ERC2: variants seen among roughly 807,000 people sequenced by gnomAD.
ERC2 encodes the protein ERC protein 2.
In ERC2, 42 loss-of-function variants were observed where a neutral mutation model predicts 114.8. The observed-to-expected ratio is 0.37, with a 90% CI of 0.29 to 0.47. ERC2 has a LOEUF of 0.47. Among genes scored for constraint, ERC2 ranks in the 20% least tolerant of loss-of-function variants. The probability of loss-of-function intolerance (pLI) is 0.99; values close to 1 mark genes in which losing one functional copy is unlikely to be tolerated. For missense variants in ERC2, 939 were observed against 1,150.7 expected (o/e 0.82, Z 2.66); for synonymous variants, 454 against 425.5 (o/e 1.07, Z -0.82).
At chr3:56,458,021 T>C (rs2063142130) in intron 1 of ERC2, among the ~76,000 whole-genome samples, 1 of 152,196 alleles carries the variant, frequency 6.6e-6, no homozygotes, top group South Asian at 2.1e-4. Context: ...ACCTGCTCTA[T>C]TATGGTCCTC....
At chr3:56,071,606 CT>C (rs1456482278) in intron 7 of ERC2, among the ~76,000 whole-genome samples, 1 of 152,150 alleles carries the variant, frequency 6.6e-6, no homozygotes, top group Non-Finnish European at 1.5e-5. Flanking sequence ...CCTGTAGATG[CT>C]GAATGAATGG....
intron 2 of ERC2, among the ~76,000 whole-genome samples, chr3:56,375,540 C>G (rs528041236): frequency 6.6e-6 from 1 of 152,308 alleles, no homozygotes; most frequent in African/African-American, 2.4e-5. Flanking sequence ...ACAAGACAGG[C>G]ATGGTTCCTG....
intron 2 of ERC2, among the ~76,000 whole-genome samples, chr3:56,400,443 A>G (rs2060480000): frequency 6.6e-6 from 1 of 152,232 alleles, no homozygotes; most frequent in Non-Finnish European, 1.5e-5. Flanking sequence ...AGTTATAAAT[A>G]TCTGAAATAT....
At chr3:56,093,949 A>G (rs1313353011) in intron 6 of ERC2, among the ~76,000 whole-genome samples, 2 of 152,162 alleles carry the variant, frequency 1.3e-5, no homozygotes, top group African/African-American at 4.8e-5. Flanking sequence ...GCCATGATGG[A>G]GCAGACTTGG....
chr3:56,049,169 C>A (rs926842370), intron 7 of ERC2, among the ~76,000 whole-genome samples: 3 of 152,238 alleles, frequency 2.0e-5, no homozygotes, highest in Middle Eastern at 3.4e-3. Flanking sequence ...GCATTTTGAG[C>A]ATAGAGATAG....
At chr3:55,952,042 T>TGTA (rs2067557908) in intron 12 of ERC2, among the ~76,000 whole-genome samples, 1 of 150,950 alleles carries the variant, frequency 6.6e-6, no homozygotes, top group Non-Finnish European at 1.5e-5. Context: ...GGCTCATGCC[T>TGTA]GTAGTCCCAG....
chr3:55,558,426 C>T (rs56115292), intron 17 of ERC2, among the ~76,000 whole-genome samples: 47,508 of 152,050 alleles, frequency 0.31, 7,670 homozygotes, highest in Middle Eastern at 0.4. Context: ...AGGAGCAAGA[C>T]CTCAAAAGTT....
intron 2 of ERC2, among the ~76,000 whole-genome samples, chr3:56,311,820 TGTGTG>T (rs2056599995): frequency 4.3e-4 from 1 of 2,300 alleles, no homozygotes; most frequent in Non-Finnish European, 2.3e-3. Flanking sequence ...TACATATAAA[TGTGTG>T]TGTGTGTGTG....
intron 14 of ERC2, among the ~76,000 whole-genome samples, chr3:55,777,664 A>T (rs959141882): frequency 1.3e-5 from 2 of 152,212 alleles, no homozygotes; most frequent in African/African-American, 4.8e-5. Flanking sequence ...TACTGGCATG[A>T]ATTTTTATAC....
chr3:56,462,143 T>C (rs886244441), intron 1 of ERC2, among the ~76,000 whole-genome samples: 4 of 152,204 alleles, frequency 2.6e-5, no homozygotes, highest in African/African-American at 9.6e-5. Context: ...ATAAATGGTA[T>C]TGACAATGAG....
intron 14 of ERC2, among the ~76,000 whole-genome samples, chr3:55,815,785 T>G (rs1262817156): frequency 6.6e-6 from 1 of 152,134 alleles, no homozygotes; most frequent in African/African-American, 2.4e-5. Flanking sequence ...AGACTTCAAT[T>G]GGAAAGTTGA....
intron 1 of ERC2, among the ~76,000 whole-genome samples, chr3:56,444,989 T>C (rs2062494762): frequency 6.6e-6 from 1 of 152,254 alleles, no homozygotes; most frequent in African/African-American, 2.4e-5. Flanking sequence ...TACCTGCAGA[T>C]GTGCTGTGTA....
intron 3 of ERC2, among the ~76,000 whole-genome samples, chr3:56,235,775 T>A (rs1240801368): frequency 1.3e-5 from 2 of 152,236 alleles, no homozygotes; most frequent in Non-Finnish European, 2.9e-5. Flanking sequence ...GGTCCTTATT[T>A]GCACCAGCCA....
chr3:56,035,113 T>C (rs1296206344), intron 7 of ERC2, among the ~76,000 whole-genome samples: 1 of 151,776 alleles, frequency 6.6e-6, no homozygotes, highest in Non-Finnish European at 1.5e-5. Context: ...CTCAAATAAA[T>C]AAAATTATAA....
At chr3:56,216,109 C>T (rs1345710548) in intron 3 of ERC2, among the ~76,000 whole-genome samples, 1 of 152,136 alleles carries the variant, frequency 6.6e-6, no homozygotes. Context: ...CAATCACATT[C>T]AAAAGCTAGC....
In ERC2 at chr3:55,821,309, C is replaced by T. The variant is rs151169999; in HGVS notation, c.2564+67080G>A. Reference sequence around the variant, plus strand: ...CAAAATGACCCCATCTCTGGCTCGCCGGCCACTGTGGTCTGTAGAGGGGCT... The same window carrying T: ...CAAAATGACCCCATCTCTGGCTCGCTGGCCACTGTGGTCTGTAGAGGGGCT... On this transcript the variant is annotated intron_variant, in intron 14 of 17. Transcript: ENST00000288221. Among the ~76,000 whole-genome samples the T allele has an allele frequency of 1.7e-3, 257 of 152,214 alleles. No individual in the cohort carries two copies. The South Asian group carries it at 0.017, about 10-fold the overall frequency.
chr3:55,712,384 G>T (rs762134934), intron 15 of ERC2, among the ~76,000 whole-genome samples: 3 of 152,176 alleles, frequency 2.0e-5, no homozygotes, highest in South Asian at 4.1e-4. Flanking sequence ...AAGAGAAAAG[G>T]GGGGAAAGTG....
intron 14 of ERC2, among the ~76,000 whole-genome samples, chr3:55,789,021 G>T (rs535772435): frequency 9.9e-5 from 15 of 152,226 alleles, no homozygotes; most frequent in Admixed American, 6.5e-5. Flanking sequence ...CAGACTTTAT[G>T]GGATCAAATG....
At chr3:56,339,379 C>T (rs901373565) in intron 2 of ERC2, among the ~76,000 whole-genome samples, 11 of 151,888 alleles carry the variant, frequency 7.2e-5, no homozygotes, top group African/African-American at 2.4e-4. Context: ...GCAACAGGGG[C>T]AGCTTGTGTT....
Sources: allele counts gnomAD v4.1 joint callset (sites outside exome capture counted in the v4.1 genomes callset), GRCh38; gene constraint gnomAD v4.1.1; transcripts MANE v1.5; gene names NCBI Gene and HGNC (gene_info 2026-07-23, HGNC 2026-07-21).